The following CTSE variants were observed in gnomAD, a reference collection of about 807,000 sequenced individuals.
CTSE encodes the protein erythrocyte membrane aspartic proteinase.
A neutral mutation model predicts 42.8 loss-of-function variants in CTSE; 43 were observed. That is an observed-to-expected ratio of 1.01 (90% confidence interval 0.79 to 1.30). The LOEUF (loss-of-function observed/expected upper bound fraction) is 1.30, where lower values mean the gene tolerates loss of function less well. Among genes scored for constraint, CTSE ranks in the 50% most tolerant of loss-of-function variants. CTSE has a pLI of 0.00. For synonymous variants in CTSE, 205 were observed against 191.5 expected (o/e 1.07, Z -0.58); for missense variants, 532 against 493.5 (o/e 1.08, Z -0.74).
intron 5 of CTSE, among the ~76,000 whole-genome samples, chr1:206,015,298 C>T (rs781857607): frequency 3.9e-5 from 6 of 152,072 alleles, no homozygotes; most frequent in Non-Finnish European, 7.4e-5. Flanking sequence ...TTCCTCACTT[C>T]CCCTCCCCAG....
chr1:206,014,803 G>T (rs138694535), intron 5 of CTSE, among the ~76,000 whole-genome samples: 19 of 152,174 alleles, frequency 1.2e-4, no homozygotes, highest in Non-Finnish European at 2.4e-4. Context: ...TCTGCAAGGG[G>T]AAGCAGAGGT....
rs1661459540 is a variant in CTSE, at chr1:206,022,227, T to G, written c.266A>C (p.Gln89Pro). The part of the protein sequence containing the change: ...FGTISIGSPP[Q>P]NFTVIFDTGS... ...AGTGTCGAAGATGACAGTGAAGTTC[T>G]GTGGTGGGGAGCCAATGGAGATAGT... Residue 89 changes from glutamine to proline, a missense_variant, in exon 3 of 9, where the codon CAG becomes CCG. Coordinates refer to ENST00000358184, the MANE Select transcript of CTSE (RefSeq NM_001910.4). The G allele has an allele frequency of 1.9e-6, 3 of 1,613,042 alleles. No individual in the cohort carries two copies. The Admixed American group carries it at 5.0e-5, about 27-fold the overall frequency.
Position 206,012,325 on chromosome 1 carries a change from T to C in CTSE, c.1009A>G (p.Thr337Ala), listed in dbSNP as rs781857670. The change falls in exon 8 of 9, where the codon ACT becomes GCT. Residue 337 changes from threonine to alanine, a missense_variant. Thr to Ala is a moderately conservative substitution (Grantham distance 58). Coordinates refer to ENST00000358184, the MANE Select transcript of CTSE (RefSeq NM_001910.4). ...GTTCTTACCAGTAGGGTGTAGGCAG[T>C]TGGGCTGAGGGTATAGGGGACTCCG... ...INGVPYTLSP[T>A]AYTLLDFVDG... 1.9e-6 allele frequency: 3 copies of C among 1,613,688 alleles called. No homozygotes were observed. Among genetic ancestry groups the C allele is most frequent in the Middle Eastern group, 1.6e-4 (1 of 6,062 alleles).
At chr1:206,010,533 A>C (rs1009067307) in intron 8 of CTSE, among the ~76,000 whole-genome samples, 186 bp from the exon 9 acceptor site, 4 of 151,984 alleles carry the variant, frequency 2.6e-5, no homozygotes, top group Admixed American at 6.6e-5. Flanking sequence ...TGCTTAATAA[A>C]GTGTTTGTCT....
intron 3 of CTSE, chr1:206,021,471 T>C: frequency 6.1e-6 from 2 of 326,880 alleles, no homozygotes; most frequent in Admixed American, 4.6e-5. Context: ...CTGCCACCCA[T>C]TGTGGGTCAG....
intron 8 of CTSE, among the ~76,000 whole-genome samples, chr1:206,011,855 A>G (rs1661109741): frequency 6.6e-6 from 1 of 152,118 alleles, no homozygotes; most frequent in Admixed American, 6.5e-5. Flanking sequence ...TTCTTGCTAG[A>G]GGAGGAATGT....
chr1:206,016,176 A>G (rs1553277714), intron 4 of CTSE, 46 bp from the exon 5 acceptor site: 1 of 1,571,236 alleles, frequency 6.4e-7, no homozygotes, highest in African/African-American at 1.3e-5. Flanking sequence ...GGCACAGGGG[A>G]TTGCTGGCAA....
intron 8 of CTSE, among the ~76,000 whole-genome samples, chr1:206,010,968 A>G (rs75905395): frequency 7.2e-5 from 11 of 152,176 alleles, no homozygotes; most frequent in African/African-American, 2.6e-4. Flanking sequence ...TGAAATGTGA[A>G]GTTGCTGATG....
chr1:206,022,842 A>G, intron 2 of CTSE, 59 bp downstream of exon 2: 1 of 1,472,798 alleles, frequency 6.8e-7, no homozygotes, highest in East Asian at 2.3e-5. Context: ...GCCATGCCCT[A>G]ATGCTGGGCC....
In CTSE at chr1:206,009,304, C is replaced by T. The variant is rs1444830390; in HGVS notation, c.*879G>A. 3 of 152,052 alleles carry T rather than the reference C, an allele frequency of 2.0e-5. No individual in the cohort carries two copies. Among genetic ancestry groups the T allele is most frequent in the African/African-American group, 7.2e-5 (3 of 41,420 alleles). 9.4% of individuals were successfully genotyped at this position (152,052 alleles called of 1,614,324 possible). A position where few individuals can be genotyped will look rare whatever the true frequency, so the allele number is the denominator to read the frequency against. ...TGTAATGAATGATTAAAGCCAAGAA[C>T]TCCAAACCCACCCAGCAGTCTTAAC... On this transcript the variant is annotated 3_prime_UTR_variant, in exon 9 of 9. Transcript: ENST00000358184.
chr1:206,014,416 G>C (rs1252802527), intron 5 of CTSE, among the ~76,000 whole-genome samples: 2 of 152,058 alleles, frequency 1.3e-5, no homozygotes, highest in Non-Finnish European at 2.9e-5. Context: ...CTGGAACCTA[G>C]CAGGACTCTG....
chr1:206,016,588 G>T (rs148580297), intron 4 of CTSE, among the ~76,000 whole-genome samples: 127 of 151,874 alleles, frequency 8.4e-4, no homozygotes, highest in African/African-American at 2.9e-3. Flanking sequence ...TTCACATTGC[G>T]ATCTGGAACC....
Position 206,010,001 on chromosome 1 carries a change from GTGTGTGTGTGTATA to G in CTSE, c.*168_*181del. ...TGGGAGTGGTGTGTATGTGTGAAGT[GTGTGTGTGTGTATA>G]TGTGTGTGTGTGTGTGTATTCTCAT... is the stretch of plus-strand genomic sequence containing the variant. On this transcript the variant is annotated 3_prime_UTR_variant, in exon 9 of 9. Coordinates refer to ENST00000358184, the MANE Select transcript of CTSE (RefSeq NM_001910.4). The G allele has an allele frequency of 3.2e-6, 2 of 619,348 alleles. No homozygotes were observed. Among genetic ancestry groups the G allele is most frequent in the South Asian group, 2.0e-5 (1 of 50,902 alleles). 38.4% of individuals were successfully genotyped at this position (619,348 alleles called of 1,614,324 possible). A position where few individuals can be genotyped will look rare whatever the true frequency, so the allele number is the denominator to read the frequency against.
At chr1:206,019,507 T>C (rs1313064362) in intron 4 of CTSE, among the ~76,000 whole-genome samples, 1 of 151,876 alleles carries the variant, frequency 6.6e-6, no homozygotes, top group African/African-American at 2.4e-5. Flanking sequence ...CTGACATTGC[T>C]GTGGGCTTGG....
intron 1 of CTSE, 76 bp from the exon 2 acceptor site, chr1:206,023,133 A>T: frequency 1.9e-5 from 11 of 581,114 alleles, no homozygotes; most frequent in East Asian, 1.2e-4. Flanking sequence ...CCATTTTCTC[A>T]GGGGCCAACT....
Position 206,023,764 on chromosome 1 carries a change from C to T in CTSE, c.28G>A (p.Val10Met). The T allele has an allele frequency of 6.2e-7, 1 of 1,613,736 alleles. No individual in the cohort carries two copies. Among genetic ancestry groups the T allele is most frequent in the Non-Finnish European group, 8.5e-7 (1 of 1,179,800 alleles). The change falls in exon 1 of 9, where the codon GTG becomes ATG. Residue 10 changes from valine to methionine, a missense_variant. Transcript: ENST00000358184. Reference sequence around the variant, plus strand: ...TGGGCCTCTCCCAGCTCCAGGAGCACCAGCAGCAAAAGAAGGAGCGTTTTC... The same window carrying T: ...TGGGCCTCTCCCAGCTCCAGGAGCATCAGCAGCAAAAGAAGGAGCGTTTTC... MKTLLLLLLVLLELGEAQGS... is the reference protein window; with the variant it reads MKTLLLLLLMLLELGEAQGS...
intron 2 of CTSE, 30 bp from the exon 3 acceptor site, chr1:206,022,297 T>C: frequency 6.8e-7 from 1 of 1,476,286 alleles, no homozygotes; most frequent in South Asian, 1.2e-5. Flanking sequence ...GGAAAGAGGG[T>C]GTGGGTGGTG....
chr1:206,020,934 G>A, intron 4 of CTSE, 115 bp downstream of exon 4: 2 of 756,404 alleles, frequency 2.6e-6, no homozygotes, highest in South Asian at 3.3e-5. Context: ...TCTCCTAGAA[G>A]TTAGTGCTAA....
intron 3 of CTSE, 78 bp downstream of exon 3, chr1:206,022,072 C>G (rs1571822211): frequency 1.0e-6 from 1 of 967,018 alleles, no homozygotes; most frequent in Non-Finnish European, 1.5e-6. Context: ...CCTAAGCCCC[C>G]CTTCCCCAGA....
Sources: allele counts gnomAD v4.1 joint callset (sites outside exome capture counted in the v4.1 genomes callset), GRCh38; gene constraint gnomAD v4.1.1; transcripts MANE v1.5; gene names NCBI Gene and HGNC (gene_info 2026-07-23, HGNC 2026-07-21).